FRMD6: variants seen among roughly 807,000 people sequenced by gnomAD.
FRMD6 encodes the protein FERM domain-containing protein 6.
Under a neutral mutation model 73.2 loss-of-function variants are expected in FRMD6, and 37 were observed. The observed-to-expected ratio is 0.51, with a 90% CI of 0.39 to 0.66. FRMD6 has a LOEUF of 0.66. Ranked by LOEUF, FRMD6 falls within the 30% of genes least tolerant of loss-of-function variation. FRMD6 has a pLI of 0.00. For missense variants in FRMD6, 714 were observed against 780.5 expected, an observed-to-expected ratio of 0.91 and a Z score of 1.02; for synonymous variants, 273 against 282.2, an observed-to-expected ratio of 0.97 and a Z score of 0.33.
At chr14:51,493,796 C>T (rs1883147651) in intron 1 of FRMD6, among the ~76,000 whole-genome samples, 1 of 152,036 alleles carries the variant, frequency 6.6e-6, no homozygotes, top group South Asian at 2.1e-4. Flanking sequence ...TAACTTTTTC[C>T]TTTGGGTTTT....
At chr14:51,508,702 C>G (rs1210630710) in intron 1 of FRMD6, among the ~76,000 whole-genome samples, 1 of 152,224 alleles carries the variant, frequency 6.6e-6, no homozygotes, top group African/African-American at 2.4e-5. Context: ...GAGCACTCCC[C>G]TCTCTTCACA....
At chr14:51,411,177 G>A in the FRMD6 span, among the ~76,000 whole-genome samples, 2 of 152,156 alleles carry the variant, frequency 1.3e-5, no homozygotes, top group African/African-American at 2.4e-5. Flanking sequence ...ATGACCTAAC[G>A]AGTGGTCTCA....
intron 1 of FRMD6, among the ~76,000 whole-genome samples, chr14:51,657,069 A>T (rs1490862761): frequency 2.0e-5 from 3 of 152,216 alleles, no homozygotes; most frequent in African/African-American, 7.2e-5. Context: ...AAAATTAAGC[A>T]ATTTCTTGAT....
intron 1 of FRMD6, among the ~76,000 whole-genome samples, chr14:51,672,293 G>A (rs1410108414): frequency 6.6e-6 from 1 of 152,162 alleles, no homozygotes; most frequent in Non-Finnish European, 1.5e-5. Context: ...ATCTTTAGCA[G>A]AAAAATGCCC....
chr14:51,703,545 G>A (rs762900182), intron 5 of FRMD6, among the ~76,000 whole-genome samples: 2 of 151,768 alleles, frequency 1.3e-5, no homozygotes, highest in Non-Finnish European at 2.9e-5. Context: ...TATTTTACCT[G>A]GTAAGTGTGG....
the FRMD6 span, among the ~76,000 whole-genome samples, chr14:51,462,287 G>A: frequency 2.6e-5 from 4 of 152,202 alleles, no homozygotes; most frequent in Non-Finnish European, 5.9e-5. Context: ...TTTTGTAAAT[G>A]GGATGATGTC....
intron 1 of FRMD6, among the ~76,000 whole-genome samples, chr14:51,527,512 C>A (rs1885324627): frequency 6.6e-6 from 1 of 152,048 alleles, no homozygotes; most frequent in African/African-American, 2.4e-5. Flanking sequence ...ATAGGCAGAC[C>A]CATAAGGAAA....
the FRMD6 span, among the ~76,000 whole-genome samples, chr14:51,477,845 T>G: frequency 1.3e-5 from 2 of 151,880 alleles, no homozygotes; most frequent in Non-Finnish European, 2.9e-5. Context: ...GTTCAAGTGA[T>G]TCTTGTGCCT....
At position 51,721,964 on chromosome 14, in the gene FRMD6, T is replaced by C. The variant is rs769488872; in HGVS notation, c.1376T>C (p.Val459Ala). 4 of 1,614,160 alleles carry C rather than the reference T, an allele frequency of 2.5e-6. No individual in the cohort carries two copies. In the South Asian group the frequency reaches 4.4e-5, roughly 18 times the overall value. ...DLQDDEIEML[V>A]DDPRDLEQMN... ...TCTGTGTCAGAAATAGAGATGTTGGTTGATGACCCCCGGGATCTGGAGCAG... is the reference window on the plus strand; with the variant it reads ...TCTGTGTCAGAAATAGAGATGTTGGCTGATGACCCCCGGGATCTGGAGCAG... Residue 459 changes from valine (V) to alanine (A), a missense_variant, in exon 12 of 14, where the codon GTT becomes GCT. Transcript: ENST00000344768.
intron 2 of FRMD6, among the ~76,000 whole-genome samples, chr14:51,693,704 G>A (rs17252469): frequency 2.0e-5 from 3 of 151,970 alleles, no homozygotes; most frequent in Non-Finnish European, 4.4e-5. Flanking sequence ...CATTTCATTA[G>A]TGTACTCTGT....
intron 1 of FRMD6, among the ~76,000 whole-genome samples, chr14:51,530,991 G>A (rs1343398408): frequency 1.3e-5 from 2 of 152,176 alleles, no homozygotes; most frequent in Non-Finnish European, 2.9e-5. Flanking sequence ...CATCTGGTGA[G>A]GGTTTTCTTC....
intron 2 of FRMD6, among the ~76,000 whole-genome samples, chr14:51,621,475 C>T (rs1163854240): frequency 6.6e-6 from 1 of 152,216 alleles, no homozygotes; most frequent in Non-Finnish European, 1.5e-5. Context: ...AACCCAAGGA[C>T]AGGTAGCCAG....
chr14:51,424,512 G>T, the FRMD6 span, among the ~76,000 whole-genome samples: 1 of 150,888 alleles, frequency 6.6e-6, no homozygotes, highest in African/African-American at 2.4e-5. Flanking sequence ...GGACGCTTCC[G>T]CTGAAAGGCA....
Position 51,567,320 on chromosome 14 carries a change from A to T in FRMD6, c.-209-3028A>T, listed in dbSNP as rs532628160. Among the ~76,000 whole-genome samples, 10 of 152,294 alleles carry T rather than the reference A, an allele frequency of 6.6e-5. No individual in the cohort carries two copies. In the East Asian group the frequency reaches 1.9e-3, roughly 29 times the overall value. Reference sequence around the variant, plus strand: ...CTGGTTACCAGTATGAGACTTCTAGATGCTACCATGACTACCCATCTGTTT... The same window carrying T: ...CTGGTTACCAGTATGAGACTTCTAGTTGCTACCATGACTACCCATCTGTTT... On this transcript the variant is annotated intron_variant, in intron 1 of 14. Coordinates refer to the FRMD6 transcript ENST00000356218.
At chr14:51,580,568 A>G (rs1888665209) in intron 2 of FRMD6, among the ~76,000 whole-genome samples, 1 of 152,186 alleles carries the variant, frequency 6.6e-6, no homozygotes, top group Non-Finnish European at 1.5e-5. Context: ...GAACTGCAAC[A>G]TCAGAATCCT....
At chr14:51,435,567 C>G in the FRMD6 span, among the ~76,000 whole-genome samples, 1 of 152,038 alleles carries the variant, frequency 6.6e-6, no homozygotes. Flanking sequence ...ACAGTACAAA[C>G]TACAGATGAT....
At chr14:51,472,119 G>A in the FRMD6 span, among the ~76,000 whole-genome samples, 1 of 152,032 alleles carries the variant, frequency 6.6e-6, no homozygotes, top group Admixed American at 6.5e-5. Context: ...TTAAGAATAT[G>A]CATATATTTC....
chr14:51,397,426 A>G, the FRMD6 span, among the ~76,000 whole-genome samples: 1 of 152,192 alleles, frequency 6.6e-6, no homozygotes, highest in Non-Finnish European at 1.5e-5. Context: ...GTAGGCAGGT[A>G]CATACCTAGA....
At chr14:51,646,082 G>T (rs188300580) in intron 2 of FRMD6, among the ~76,000 whole-genome samples, 22 of 151,864 alleles carry the variant, frequency 1.4e-4, no homozygotes, top group Middle Eastern at 3.4e-3. Flanking sequence ...ACTTTGGGAG[G>T]CCCAGGCAGG....
Sources: gnomAD v4.1 joint callset for allele counts (sites outside exome capture counted in the v4.1 genomes callset) on GRCh38, gnomAD v4.1.1 for gene constraint, MANE v1.5 for transcripts, NCBI Gene and HGNC (gene_info 2026-07-23, HGNC 2026-07-21) for gene names.